Variants in PDE7B observed in about 807,000 individuals in gnomAD.
The protein encoded by PDE7B is phosphodiesterase 7B.
In PDE7B, 29 loss-of-function variants were observed where a neutral mutation model predicts 56.2. The ratio of observed to expected loss-of-function variants is 0.52; its 90% CI spans 0.38 to 0.70. The LOEUF (loss-of-function observed/expected upper bound fraction) is 0.70. Among genes scored for constraint, PDE7B ranks in the 30% least tolerant of loss-of-function variants. The probability of loss-of-function intolerance (pLI) is 0.00; values close to 1 mark genes in which losing one functional copy is unlikely to be tolerated. For synonymous variants in PDE7B, 197 were observed against 196.9 expected (o/e 1.00, Z 0.00); for missense variants, 490 against 565.0 (o/e 0.87, Z 1.35).
At chr6:136,027,874 A>G (rs370363879) in intron 2 of PDE7B, among the ~76,000 whole-genome samples, 3 of 152,274 alleles carry the variant, frequency 2.0e-5, no homozygotes, top group African/African-American at 4.8e-5. Context: ...CAGCTGCCTC[A>G]GCCTCCCAAA....
intron 1 of PDE7B, among the ~76,000 whole-genome samples, chr6:135,866,221 T>C (rs948319210): frequency 4.6e-5 from 7 of 152,174 alleles, no homozygotes; most frequent in African/African-American, 1.4e-4. Flanking sequence ...TTTAGAATTT[T>C]TTAATATATT....
chr6:135,878,560 T>C (rs1404811097), intron 1 of PDE7B, among the ~76,000 whole-genome samples: 1 of 152,226 alleles, frequency 6.6e-6, no homozygotes, highest in Non-Finnish European at 1.5e-5. Context: ...AACATTATTT[T>C]ACCTATTCTT....
chr6:135,912,940 G>A (rs905142991), intron 1 of PDE7B, among the ~76,000 whole-genome samples: 2 of 152,114 alleles, frequency 1.3e-5, no homozygotes, highest in African/African-American at 4.8e-5. Flanking sequence ...CTGGGCTGGG[G>A]TTTCCAGCAC....
chr6:136,191,667 G>C lies in PDE7B; in HGVS notation c.1180G>C (p.Gly394Arg), dbSNP rs768655528. Residue 394 changes from glycine to arginine, a missense_variant, in exon 13 of 13, where the codon GGT becomes CGT. Transcript: ENST00000308191. ...CTTCCGGGAATGGGCCCATTTCACG[G>C]GTAACAGCACCCTGTCGGAGAACAT... Reference protein sequence around the residue: ...PLFREWAHFTGNSTLSENMLG... With the variant: ...PLFREWAHFTRNSTLSENMLG... 6.2e-7 allele frequency: 1 copy of C among 1,614,074 alleles called. No homozygotes were observed. Among genetic ancestry groups the C allele is most frequent in the Admixed American group, 1.7e-5 (1 of 60,022 alleles).
At chr6:135,891,306 T>C (rs1221511459) in intron 1 of PDE7B, among the ~76,000 whole-genome samples, 4 of 152,200 alleles carry the variant, frequency 2.6e-5, no homozygotes, top group Non-Finnish European at 5.9e-5. Flanking sequence ...AGAGTGAGAC[T>C]CATTAAAATG....
At position 135,926,099 on chromosome 6, in the gene PDE7B, GGA is replaced by G. The variant is rs1554267245; in HGVS notation, c.22-21363_22-21362del. ...TTTCTTTTTTTTGGGGGGGGGGGGG[GGA>G]GGGGGGATGGAGTTTCACTCTGTCG... On this transcript the variant is annotated intron_variant, in intron 1 of 12. Coordinates refer to ENST00000308191, the MANE Select transcript of PDE7B (RefSeq NM_018945.4). Among the ~76,000 whole-genome samples, 458 of 66,082 alleles carry G rather than the reference GGA, an allele frequency of 6.9e-3. 2 individuals are homozygous for G. Among genetic ancestry groups the G allele is most frequent in the African/African-American group, 0.012 (178 of 14,434 alleles). The allele number at this position is 66,082 out of a possible 152,430, so 43.4% of individuals were successfully genotyped here.
chr6:135,911,182 A>G (rs995255068), intron 1 of PDE7B, among the ~76,000 whole-genome samples: 19 of 152,244 alleles, frequency 1.2e-4, no homozygotes, highest in African/African-American at 4.1e-4. Context: ...GGAGAGCTCT[A>G]ATTAACTCAT....
chr6:135,955,522 C>T (rs192582114), intron 2 of PDE7B, among the ~76,000 whole-genome samples: 19 of 152,098 alleles, frequency 1.2e-4, no homozygotes, highest in Non-Finnish European at 2.1e-4. Flanking sequence ...ATAAGACAAT[C>T]GAATGTGGAC....
chr6:136,187,538 T>C (rs922008004), intron 12 of PDE7B, among the ~76,000 whole-genome samples: 2 of 151,984 alleles, frequency 1.3e-5, no homozygotes, highest in Non-Finnish European at 2.9e-5. Flanking sequence ...AAGAACCCAA[T>C]CTCTAGGCCT....
At chr6:136,022,860 A>G (rs1776094495) in intron 2 of PDE7B, among the ~76,000 whole-genome samples, 1 of 152,140 alleles carries the variant, frequency 6.6e-6, no homozygotes, top group African/African-American at 2.4e-5. Context: ...TCTGGATCAG[A>G]TTCACTTACC....
At chr6:136,058,782 A>G (rs1219129410) in intron 2 of PDE7B, among the ~76,000 whole-genome samples, 1 of 152,170 alleles carries the variant, frequency 6.6e-6, no homozygotes, top group African/African-American at 2.4e-5. Flanking sequence ...AGGGGGAAAA[A>G]TAGTATACCA....
intron 8 of PDE7B, chr6:136,156,162 A>AGTGTGTTTGT: frequency 4.0e-6 from 1 of 250,720 alleles, no homozygotes; most frequent in Non-Finnish European, 7.8e-6. Context: ...GAATGATCCA[A>AGTGTGTTTGT]GTGTGTGTGT....
chr6:136,014,605 G>A (rs1039832285), intron 2 of PDE7B, among the ~76,000 whole-genome samples: 1 of 152,154 alleles, frequency 6.6e-6, no homozygotes, highest in African/African-American at 2.4e-5. Flanking sequence ...GCACCTCTAT[G>A]ACATGACATA....
At chr6:136,167,353 G>T (rs1034399730) in intron 8 of PDE7B, among the ~76,000 whole-genome samples, 20 of 152,182 alleles carry the variant, frequency 1.3e-4, no homozygotes, top group Middle Eastern at 3.4e-3. Context: ...CTGTGTCATG[G>T]GGGGGAACAG....
At chr6:136,080,405 C>A (rs1231245956) in intron 2 of PDE7B, among the ~76,000 whole-genome samples, 2 of 152,170 alleles carry the variant, frequency 1.3e-5, no homozygotes. Context: ...ACTTTCTCAA[C>A]AATGCCCTTC....
chr6:135,885,529 A>G (rs1775691726), intron 1 of PDE7B, among the ~76,000 whole-genome samples: 2 of 152,116 alleles, frequency 1.3e-5, no homozygotes, highest in South Asian at 4.1e-4. Context: ...AATCTTTGTA[A>G]ATGTTCAGAA....
At chr6:135,905,994 C>T (rs1183453737) in intron 1 of PDE7B, among the ~76,000 whole-genome samples, 1 of 152,086 alleles carries the variant, frequency 6.6e-6, no homozygotes. Flanking sequence ...AAGAAGAGTC[C>T]CACATGTTCG....
chr6:136,102,659 T>C lies in PDE7B; in HGVS notation c.83-6072T>C, dbSNP rs1008282383. On this transcript the variant is annotated intron_variant, in intron 2 of 12. Transcript: ENST00000308191. Reference sequence around the variant, plus strand: ...CTCCTTGGGCATTCCCACTGCTTCTTGTTCAGTATCTTTTTTTATGAGACT... The same window carrying C: ...CTCCTTGGGCATTCCCACTGCTTCTCGTTCAGTATCTTTTTTTATGAGACT... Among the ~76,000 whole-genome samples the C allele has an allele frequency of 5.9e-5, 9 of 152,308 alleles. No homozygotes were observed. The East Asian group carries it at 1.7e-3, about 29-fold the overall frequency.
chr6:136,151,988 T>C lies in PDE7B; in HGVS notation c.478+733T>C, dbSNP rs1778527730. Among the ~76,000 whole-genome samples the C allele has an allele frequency of 2.6e-5, 4 of 152,036 alleles. No individual in the cohort carries two copies. In the South Asian group the frequency reaches 8.3e-4, roughly 32 times the overall value. ...AATGACAGGGAAGAGAAAATGTATT[T>C]CCTATTCATCAAGTGGATGTGGATC... On this transcript the variant is annotated intron_variant, in intron 6 of 12. Coordinates refer to ENST00000308191, the MANE Select transcript of PDE7B (RefSeq NM_018945.4).
Sources: gnomAD v4.1 joint callset for allele counts (sites outside exome capture counted in the v4.1 genomes callset) on GRCh38, gnomAD v4.1.1 for gene constraint, MANE v1.5 for transcripts, NCBI Gene and HGNC (gene_info 2026-07-23, HGNC 2026-07-21) for gene names.